CALD1: variants seen among roughly 807,000 people sequenced by gnomAD.
CALD1 encodes caldesmon.
In CALD1, 33 loss-of-function variants were observed where a neutral mutation model predicts 99.9. The ratio of observed to expected loss-of-function variants is 0.33; its 90% CI spans 0.25 to 0.44. CALD1 has a LOEUF of 0.44. Among genes scored for constraint, CALD1 ranks in the 20% least tolerant of loss-of-function variants. The pLI is 1.00. For synonymous variants in CALD1, 310 were observed against 325.0 expected (o/e 0.95, Z 0.50); for missense variants, 861 against 962.1 (o/e 0.89, Z 1.39).
chr7:134,758,980 G>T (rs1484764677), intron 1 of CALD1, among the ~76,000 whole-genome samples: 2 of 152,078 alleles, frequency 1.3e-5, no homozygotes, highest in Non-Finnish European at 2.9e-5. Context: ...ATTCCTACAG[G>T]CCAATTATTA....
Position 134,947,674 on chromosome 7 carries a change from G to C in CALD1, c.1699G>C (p.Glu567Gln). Reference sequence around the variant, plus strand: ...GCAGGAGGCGGCTTTGGAGCTGGAGGAACTCAAGAAAAAGAGGGAGGAGAG... The same window carrying C: ...GCAGGAGGCGGCTTTGGAGCTGGAGCAACTCAAGAAAAAGAGGGAGGAGAG... Reference protein sequence around the residue: ...KQQEAALELEELKKKREERRK... With the variant: ...KQQEAALELEQLKKKREERRK... Residue 567 changes from glutamate (E) to glutamine (Q), a missense_variant, in exon 8 of 15, where the codon GAA becomes CAA. Glu to Gln is a conservative substitution (Grantham distance 29, BLOSUM62 2). This residue lies in a region of CALD1 where 293 missense variants were observed against 262.7 expected (regional missense o/e 1.12). Transcript: ENST00000361675. 1 of 1,598,832 alleles carries C rather than the reference G, an allele frequency of 6.3e-7. No individual in the cohort carries two copies. The highest frequency in any genetic ancestry group is 8.5e-7 in the Non-Finnish European group (1 of 1,171,856).
intron 1 of CALD1, among the ~76,000 whole-genome samples, chr7:134,765,456 A>G (rs7778819): frequency 0.077 from 11,789 of 152,188 alleles, 1,524 homozygotes; most frequent in African/African-American, 0.27. Flanking sequence ...TTCCTCCTTG[A>G]TTGCCTGACA....
chr7:134,773,575 A>G (rs1796894054), intron 1 of CALD1, among the ~76,000 whole-genome samples: 1 of 151,960 alleles, frequency 6.6e-6, no homozygotes, highest in African/African-American at 2.4e-5. Context: ...GATTTTTCTA[A>G]ACCTTATCTT....
At chr7:134,912,333 T>C (rs758931080) in intron 3 of CALD1, among the ~76,000 whole-genome samples, 1 of 152,182 alleles carries the variant, frequency 6.6e-6, no homozygotes, top group Non-Finnish European at 1.5e-5. Flanking sequence ...GTAAATGGAT[T>C]TACCAGTGGT....
intron 1 of CALD1, among the ~76,000 whole-genome samples, chr7:134,754,754 C>CTCT (rs1407268542): frequency 3.3e-5 from 3 of 89,800 alleles, no homozygotes; most frequent in African/African-American, 1.3e-4. Context: ...CTACTAAACG[C>CTCT]TAACTATGGA....
chr7:134,776,130 A>G (rs1177118569), upstream of CALD1, among the ~76,000 whole-genome samples: 1 of 151,968 alleles, frequency 6.6e-6, no homozygotes, highest in Non-Finnish European at 1.5e-5. Flanking sequence ...TATTTTTTCT[A>G]TTTATTTGTC....
intron 5 of CALD1, among the ~76,000 whole-genome samples, chr7:134,934,995 C>T (rs2092329804): frequency 6.6e-6 from 1 of 151,988 alleles, no homozygotes; most frequent in South Asian, 2.1e-4. Context: ...AAAGTCAAAA[C>T]CCTGATTTGC....
chr7:134,801,647 T>C (rs956296654), intron 1 of CALD1, among the ~76,000 whole-genome samples: 2 of 152,108 alleles, frequency 1.3e-5, no homozygotes, highest in African/African-American at 2.4e-5. Flanking sequence ...TGAAACAGGG[T>C]CTCACTCTGT....
chr7:134,786,758 C>T (rs1490499103), intron 1 of CALD1, among the ~76,000 whole-genome samples: 2 of 152,182 alleles, frequency 1.3e-5, no homozygotes, highest in Non-Finnish European at 2.9e-5. Flanking sequence ...AAGCAGTTAA[C>T]CTTTTCAATA....
intron 3 of CALD1, among the ~76,000 whole-genome samples, chr7:134,889,559 T>G (rs1007453151): frequency 6.6e-6 from 1 of 152,196 alleles, no homozygotes; most frequent in African/African-American, 2.4e-5. Flanking sequence ...TTATTCCACC[T>G]ACCATAGAAA....
At chr7:134,808,785 T>C (rs1188247426) in intron 1 of CALD1, among the ~76,000 whole-genome samples, 1 of 152,252 alleles carries the variant, frequency 6.6e-6, no homozygotes, top group Non-Finnish European at 1.5e-5. Context: ...TTAGGCTTTC[T>C]GGAGTGTGTA....
chr7:134,884,871 T>C (rs1248594059), intron 3 of CALD1, among the ~76,000 whole-genome samples: 3 of 152,184 alleles, frequency 2.0e-5, no homozygotes, highest in Non-Finnish European at 4.4e-5. Flanking sequence ...TAAAAACAAG[T>C]ATATACACAG....
chr7:134,960,298 C>A, intron 12 of CALD1, 187 bp downstream of exon 12: 1 of 715,504 alleles, frequency 1.4e-6, no homozygotes, highest in Non-Finnish European at 2.3e-6. Flanking sequence ...AGGTACTAAG[C>A]CCGGGCCATC....
intron 7 of CALD1, among the ~76,000 whole-genome samples, chr7:134,943,786 G>A (rs538557897): frequency 8.6e-4 from 131 of 152,264 alleles, no homozygotes; most frequent in Non-Finnish European, 1.4e-3. Context: ...ATATTTATAT[G>A]TAGTATATAC....
chr7:134,936,738 GA>G (rs1806010647), intron 6 of CALD1, among the ~76,000 whole-genome samples: 1 of 152,170 alleles, frequency 6.6e-6, no homozygotes, highest in African/African-American at 2.4e-5. Context: ...CGTGAAAAAT[GA>G]AAACCCCTAG....
intron 2 of CALD1, among the ~76,000 whole-genome samples, chr7:134,857,216 T>G (rs1350861027): frequency 1.5e-5 from 2 of 135,126 alleles, no homozygotes; most frequent in Admixed American, 8.4e-5. Flanking sequence ...TCACCCAGGC[T>G]GGAGTGCAGT....
intron 3 of CALD1, among the ~76,000 whole-genome samples, chr7:134,901,268 T>A (rs1026792002): frequency 4.6e-5 from 7 of 151,780 alleles, no homozygotes; most frequent in African/African-American, 1.7e-4. Context: ...CCAGATAAAC[T>A]TGAATCCAAA....
the CALD1 span, among the ~76,000 whole-genome samples, chr7:134,737,073 A>T: frequency 6.6e-6 from 1 of 152,164 alleles, no homozygotes; most frequent in Non-Finnish European, 1.5e-5. Context: ...TCAAATATAT[A>T]TGTGAAATAT....
chr7:134,948,080 C>T lies in CALD1; in HGVS notation c.1794+311C>T, dbSNP rs1584647712. 2.1e-5 allele frequency: 5 copies of T among 242,308 alleles called. No homozygotes were observed. The East Asian group carries it at 3.9e-4, about 19-fold the overall frequency. The allele number at this position is 242,308 out of a possible 1,614,324, so 15.0% of individuals were successfully genotyped here. ...AGTCTGCCTGACATGCAGGAGGAGC[C>T]CCATCATTAAAACCCTTTACTGCCT... On this transcript the variant is annotated intron_variant, in intron 8 of 14. Coordinates refer to ENST00000361675, the MANE Select transcript of CALD1 (RefSeq NM_033138.4).
Sources: gnomAD v4.1 joint callset for allele counts (sites outside exome capture counted in the v4.1 genomes callset) on GRCh38, gnomAD v4.1.1 for gene constraint, gnomAD v4.1.1 regional missense constraint, MANE v1.5 for transcripts, NCBI Gene and HGNC (gene_info 2026-07-23, HGNC 2026-07-21) for gene names.